AGTPBP1: variants seen among roughly 807,000 people sequenced by gnomAD.
The protein encoded by AGTPBP1 is ATP/GTP binding carboxypeptidase 1.
A neutral mutation model predicts 143.9 loss-of-function variants in AGTPBP1; 70 were observed. That is an observed-to-expected ratio of 0.49 (90% CI 0.40 to 0.59). The LOEUF (loss-of-function observed/expected upper bound fraction) is 0.59. Ranked by LOEUF, AGTPBP1 falls within the 20% of genes least tolerant of loss-of-function variation. The pLI is 0.00. For missense variants in AGTPBP1, 1,229 were observed against 1,464.5 expected (o/e 0.84, Z 2.62); for synonymous variants, 463 against 500.2 (o/e 0.93, Z 0.99).
At chr9:85,779,717 G>A in the AGTPBP1 span, among the ~76,000 whole-genome samples, 2 of 152,106 alleles carry the variant, frequency 1.3e-5, no homozygotes, top group Non-Finnish European at 2.9e-5. Flanking sequence ...AAATTAAGCC[G>A]GGCATGGTGG....
intron 4 of AGTPBP1, 91 bp from the exon 5 acceptor site, chr9:85,678,489 G>C (rs1270305174): frequency 4.2e-6 from 3 of 721,916 alleles, no homozygotes; most frequent in Non-Finnish European, 6.6e-6. Context: ...TTTTACAAAT[G>C]ACCTTTCCAA....
At chr9:85,620,753 A>T (rs1830882349) in intron 15 of AGTPBP1, among the ~76,000 whole-genome samples, 1 of 152,188 alleles carries the variant, frequency 6.6e-6, no homozygotes, top group Non-Finnish European at 1.5e-5. Flanking sequence ...AAGAGACAAC[A>T]GGGTGTGGTG....
chr9:85,771,820 T>A, the AGTPBP1 span, among the ~76,000 whole-genome samples: 1 of 151,390 alleles, frequency 6.6e-6, no homozygotes, highest in African/African-American at 2.4e-5. Flanking sequence ...CCTGGCTAAT[T>A]TTTTTTGTAC....
intron 3 of AGTPBP1, among the ~76,000 whole-genome samples, chr9:85,684,213 C>T (rs1206652882): frequency 6.6e-6 from 1 of 152,160 alleles, no homozygotes; most frequent in Non-Finnish European, 1.5e-5. Context: ...TCAGAACCTA[C>T]ATTTTTCCTC....
chr9:85,798,995 C>T, the AGTPBP1 span, among the ~76,000 whole-genome samples: 3 of 152,108 alleles, frequency 2.0e-5, no homozygotes, highest in South Asian at 2.1e-4. Context: ...CTATCCCTCC[C>T]GACAGGCCCT....
rs1835160015 is a variant in AGTPBP1, at chr9:85,681,335, T to C, written c.158A>G (p.Glu53Gly). 2.5e-6 allele frequency: 4 copies of C among 1,611,588 alleles called. No individual in the cohort carries two copies. The highest frequency in any genetic ancestry group is 3.4e-6 in the Non-Finnish European group (4 of 1,179,506). The change falls in exon 4 of 26, where the codon GAA (glutamate) becomes GGA (glycine). Residue 53 changes from glutamate to glycine, a missense_variant and splice_region_variant. Glu to Gly is a moderately conservative substitution (Grantham distance 98). Around this residue, in one of 2 missense-constraint regions of AGTPBP1, gnomAD observed 743 missense variants for 812.2 expected, o/e 0.91. Transcript: ENST00000357081. Reference sequence around the variant, plus strand: ...GGCTGTCATTTCTCTCCTTGTTTTTTCTGAAAAGTAGCAAACAATTTTTTT... The same window carrying C: ...GGCTGTCATTTCTCTCCTTGTTTTTCCTGAAAAGTAGCAAACAATTTTTTT... Reference protein sequence around the residue: ...SKILHLAQSQEKTRREMTAKG... With the variant: ...SKILHLAQSQGKTRREMTAKG...
chr9:85,669,495 T>A lies in AGTPBP1; in HGVS notation c.652A>T (p.Ser218Cys), dbSNP rs370185451. 6.2e-7 allele frequency: 1 copy of A among 1,604,792 alleles called. No individual in the cohort carries two copies. The highest frequency in any genetic ancestry group is 8.5e-7 in the Non-Finnish European group (1 of 1,172,310). ...IIGPFSKKNS[S>C]LIKVALDTLA... ...AAAACATTTACTCACTTTATAAGACTGGAATTCTTCTTACTAAATGGTCCA... is the reference window on the plus strand; with the variant it reads ...AAAACATTTACTCACTTTATAAGACAGGAATTCTTCTTACTAAATGGTCCA... Residue 218 changes from serine (S) to cysteine (C), a missense_variant, in exon 8 of 26, where the codon AGT becomes TGT. Ser to Cys is a moderately radical substitution (Grantham distance 112). Around this residue, in one of 2 missense-constraint regions of AGTPBP1, gnomAD observed 743 missense variants for 812.2 expected, o/e 0.91. Transcript: ENST00000357081.
At chr9:85,642,495 A>G (rs1045185701) in intron 13 of AGTPBP1, among the ~76,000 whole-genome samples, 3 of 147,820 alleles carry the variant, frequency 2.0e-5, no homozygotes, top group Admixed American at 6.8e-5. Context: ...CACCCAGCTA[A>G]TTTTTTTTTT....
chr9:85,586,918 C>T lies in AGTPBP1; in HGVS notation c.2946G>A (p.Trp982Ter). ...GATGTAAATCCGGACTTGGACTTTG[C>T]CACTGCCTATTCAAATCCTCTCCAC... ...SLSGEDLNRQ[W>*]QSPSPDLHPT... is the part of the protein sequence containing the mutation. The change falls in exon 22 of 26, where the codon TGG becomes TGA. Residue 982 changes from tryptophan to a stop codon, truncating the protein, a stop_gained. Transcript: ENST00000357081. LOFTEE classifies it high-confidence loss of function. The T allele has an allele frequency of 6.2e-7, 1 of 1,613,954 alleles. No homozygotes were observed. The highest frequency in any genetic ancestry group is 8.5e-7 in the Non-Finnish European group (1 of 1,179,898).
chr9:85,765,395 A>T, the AGTPBP1 span, among the ~76,000 whole-genome samples: 2 of 152,212 alleles, frequency 1.3e-5, no homozygotes, highest in Admixed American at 6.5e-5. Context: ...TGTCCATACT[A>T]TGTCCAGCCA....
chr9:85,619,723 G>A (rs1288064694), intron 15 of AGTPBP1, among the ~76,000 whole-genome samples: 1 of 152,140 alleles, frequency 6.6e-6, no homozygotes, highest in African/African-American at 2.4e-5. Flanking sequence ...GCATCAAGAA[G>A]CACACGTATT....
intron 3 of AGTPBP1, among the ~76,000 whole-genome samples, chr9:85,689,925 A>AAAAAAAAAAAAATAT (rs58719163): frequency 2.8e-5 from 2 of 72,516 alleles, no homozygotes; most frequent in African/African-American, 1.4e-4. Context: ...AAAAAAAAAA[A>AAAAAAAAAAAAATAT]ATATATATAT....
chr9:85,598,805 C>G (rs1172005493), intron 17 of AGTPBP1, among the ~76,000 whole-genome samples: 2 of 152,024 alleles, frequency 1.3e-5, no homozygotes, highest in Non-Finnish European at 2.9e-5. Flanking sequence ...CTGTGACCTC[C>G]ACCTCCCAGG....
the AGTPBP1 span, chr9:85,786,633 C>A: frequency 6.7e-6 from 10 of 1,483,066 alleles, no homozygotes; most frequent in East Asian, 1.8e-4. Context: ...CTTTTTCTAA[C>A]CTGTTAAAAA....
rs1181994432 is a variant in AGTPBP1, at chr9:85,546,611, G to A, written c.*498C>T. Reference sequence around the variant, plus strand: ...ATGTAATGGTTTCAAGGCAAACCCTGGACTACTTCAGTCACAACCCAATAG... The same window carrying A: ...ATGTAATGGTTTCAAGGCAAACCCTAGACTACTTCAGTCACAACCCAATAG... On this transcript the variant is annotated 3_prime_UTR_variant, in exon 26 of 26. Transcript: ENST00000357081. 6.6e-6 allele frequency: 1 copy of A among 152,240 alleles called. No homozygotes were observed. Among genetic ancestry groups the A allele is most frequent in the Admixed American group, 6.5e-5 (1 of 15,288 alleles). 9.4% of individuals were successfully genotyped at this position (152,240 alleles called of 1,614,324 possible). A position where few individuals can be genotyped will look rare whatever the true frequency, so the allele number is the denominator to read the frequency against.
At chr9:85,653,896 A>T (rs1177547924) in intron 11 of AGTPBP1, among the ~76,000 whole-genome samples, 1 of 152,236 alleles carries the variant, frequency 6.6e-6, no homozygotes, top group East Asian at 1.9e-4. Context: ...GTATTGGACC[A>T]CTGCTTTTAC....
intron 18 of AGTPBP1, among the ~76,000 whole-genome samples, chr9:85,595,746 C>T (rs1829259707): frequency 6.6e-6 from 1 of 152,064 alleles, no homozygotes; most frequent in African/African-American, 2.4e-5. Flanking sequence ...AGGCTGGTCT[C>T]AAACTCCTGA....
chr9:85,684,843 C>T (rs1221313026), intron 3 of AGTPBP1, among the ~76,000 whole-genome samples: 1 of 151,870 alleles, frequency 6.6e-6, no homozygotes, highest in Non-Finnish European at 1.5e-5. Flanking sequence ...ATTAGATTTA[C>T]AGACAAGAAC....
the AGTPBP1 span, among the ~76,000 whole-genome samples, chr9:85,781,610 C>T: frequency 9.9e-5 from 15 of 152,238 alleles, no homozygotes; most frequent in African/African-American, 2.6e-4. Flanking sequence ...GCTTGTAGAC[C>T]TTAACTCATT....
Sources: gnomAD v4.1 joint callset for allele counts (sites outside exome capture counted in the v4.1 genomes callset) on GRCh38, gnomAD v4.1.1 for gene constraint, gnomAD v4.1.1 regional missense constraint, MANE v1.5 for transcripts, NCBI Gene and HGNC (gene_info 2026-07-23, HGNC 2026-07-21) for gene names.